The following EYS variants were observed in gnomAD, a reference collection of about 807,000 sequenced individuals.
EYS encodes EGF-like photoreceptor maintenance factor.
In EYS, 250 loss-of-function variants were observed where a neutral mutation model predicts 282.1. The observed-to-expected ratio is 0.89, with a 90% CI of 0.80 to 0.98. The LOEUF is 0.98. Ranked by LOEUF, EYS falls within the 50% of genes least tolerant of loss-of-function variation. The pLI is 0.00. For missense variants in EYS, 4,016 were observed against 3,709.0 expected (o/e 1.08, Z -2.15); for synonymous variants, 1,355 against 1,282.9 (o/e 1.06, Z -1.20).
chr6:65,015,336 T>A (rs1772007939), intron 13 of EYS, among the ~76,000 whole-genome samples: 1 of 152,192 alleles, frequency 6.6e-6, no homozygotes, highest in East Asian at 1.9e-4. Flanking sequence ...CGCTAATTTG[T>A]GATGAAAATT....
chr6:65,555,690 T>A (rs1768773294), intron 2 of EYS, among the ~76,000 whole-genome samples: 1 of 152,182 alleles, frequency 6.6e-6, no homozygotes, highest in Admixed American at 6.5e-5. Flanking sequence ...AATTAATAAC[T>A]GTTTCTTACT....
rs546429364 is a variant in EYS at position 63,935,940 on chromosome 6, G to C, written c.7055+48443C>G. ...CCAGGGTTTGGAATGTAGGCAACTT[G>C]ATTCACCCTGTTCCCTCTACCTGGT... On this transcript the variant is annotated intron_variant, in intron 35 of 42. Coordinates refer to ENST00000503581, the MANE Select transcript of EYS (RefSeq NM_001142800.2). Among the ~76,000 whole-genome samples, 4 of 152,274 alleles carry C rather than the reference G, an allele frequency of 2.6e-5. No individual in the cohort carries two copies. The East Asian group carries it at 5.8e-4, about 22-fold the overall frequency.
chr6:65,317,067 T>C (rs889670498), intron 11 of EYS, among the ~76,000 whole-genome samples: 2 of 152,200 alleles, frequency 1.3e-5, no homozygotes, highest in African/African-American at 4.8e-5. Context: ...TTTCTCTTTA[T>C]GTTTGTAAGG....
intron 30 of EYS, among the ~76,000 whole-genome samples, chr6:64,259,766 T>C (rs1414535710): frequency 6.7e-6 from 1 of 148,958 alleles, no homozygotes; most frequent in Non-Finnish European, 1.5e-5. Context: ...GGTTTTCTTG[T>C]ATATCTCTGG....
rs555353125 is a variant in EYS at position 64,912,455 on chromosome 6, A to C, written c.2641+29T>G. ...CACAAACTAATTAAGTAATTATTTA[A>C]AAACAATAAAATCCATATTAGCTCT... On this transcript the variant is annotated intron_variant, in intron 16 of 42. Coordinates refer to ENST00000503581, the MANE Select transcript of EYS (RefSeq NM_001142800.2). 50 of 1,540,952 alleles carry C rather than the reference A, an allele frequency of 3.2e-5. No homozygotes were observed. The African/African-American group carries it at 6.7e-4, about 21-fold the overall frequency.
At chr6:65,464,138 G>A (rs145163969) in intron 5 of EYS, among the ~76,000 whole-genome samples, 232 of 152,032 alleles carry the variant, frequency 1.5e-3, no homozygotes, top group Middle Eastern at 3.4e-3. Context: ...ATGCAATTAC[G>A]CGGTCCCCAG....
intron 28 of EYS, among the ~76,000 whole-genome samples, chr6:64,426,844 A>G (rs1281832560): frequency 6.6e-6 from 1 of 152,170 alleles, no homozygotes; most frequent in African/African-American, 2.4e-5. Flanking sequence ...GCTATGCTGA[A>G]CTCTGACTTT....
At chr6:64,393,328 A>T (rs1296165063) in intron 28 of EYS, among the ~76,000 whole-genome samples, 3 of 152,212 alleles carry the variant, frequency 2.0e-5, no homozygotes, top group Non-Finnish European at 4.4e-5. Context: ...GATACAACAA[A>T]AAAAGAGAAT....
chr6:64,267,733 A>G (rs1248657627), intron 30 of EYS, among the ~76,000 whole-genome samples: 2 of 152,140 alleles, frequency 1.3e-5, no homozygotes, highest in South Asian at 2.1e-4. Context: ...ATCAATATAA[A>G]TTAACCAAAA....
chr6:65,210,542 T>C (rs1193671878), intron 12 of EYS, among the ~76,000 whole-genome samples: 1 of 152,042 alleles, frequency 6.6e-6, no homozygotes, highest in East Asian at 1.9e-4. Flanking sequence ...CTATGCTCAC[T>C]GGAAAATAGC....
intron 12 of EYS, among the ~76,000 whole-genome samples, chr6:65,165,012 G>A (rs771695974): frequency 6.6e-6 from 1 of 151,212 alleles, no homozygotes; most frequent in Non-Finnish European, 1.5e-5. Context: ...CTTAGGCAAT[G>A]GGGTTTAGGA....
intron 33 of EYS, among the ~76,000 whole-genome samples, chr6:64,020,136 A>C (rs1769117698): frequency 6.6e-6 from 1 of 152,100 alleles, no homozygotes; most frequent in Non-Finnish European, 1.5e-5. Flanking sequence ...GAAGGAATGA[A>C]TTCTTGTTTG....
At chr6:63,846,817 C>A (rs56088368) in intron 36 of EYS, among the ~76,000 whole-genome samples, 18,398 of 152,104 alleles carry the variant, frequency 0.12, 1,337 homozygotes, top group African/African-American at 0.2. Context: ...TACAAATAGA[C>A]CTACATTTGT....
chr6:65,178,109 A>G (rs1765274302), intron 12 of EYS, among the ~76,000 whole-genome samples: 2 of 151,886 alleles, frequency 1.3e-5, no homozygotes, highest in Admixed American at 1.3e-4. Context: ...GCACCCCCCG[A>G]GTATCCTGCC....
chr6:65,516,074 A>C (rs546745219), intron 2 of EYS, among the ~76,000 whole-genome samples: 1 of 152,192 alleles, frequency 6.6e-6, no homozygotes, highest in Admixed American at 6.6e-5. Flanking sequence ...GAAGAAAATG[A>C]ATGAAAAAGA....
At chr6:64,030,213 AAG>A (rs1033363460) in intron 33 of EYS, among the ~76,000 whole-genome samples, 1 of 152,324 alleles carries the variant, frequency 6.6e-6, no homozygotes, top group East Asian at 1.9e-4. Context: ...GAAAGTCAAA[AAG>A]AGAGTTAAAA....
At chr6:63,816,092 G>GATTTATT (rs1771171141) in intron 36 of EYS, among the ~76,000 whole-genome samples, 1 of 152,088 alleles carries the variant, frequency 6.6e-6, no homozygotes, top group Non-Finnish European at 1.5e-5. Context: ...TGTTTCAAAA[G>GATTTATT]CATATAAAAA....
chr6:64,451,016 C>A (rs1031199830), intron 26 of EYS, among the ~76,000 whole-genome samples: 1 of 152,028 alleles, frequency 6.6e-6, no homozygotes, highest in African/African-American at 2.4e-5. Context: ...TCGAGCAGAA[C>A]TGAAGGAAAT....
At chr6:65,319,220 A>AAC (rs1769402534) in intron 11 of EYS, among the ~76,000 whole-genome samples, 2 of 147,522 alleles carry the variant, frequency 1.4e-5, no homozygotes, top group African/African-American at 2.5e-5. Context: ...AAAAAAAAAA[A>AAC]AAAAAAACAA....
Sources: gnomAD v4.1 joint callset for allele counts (sites outside exome capture counted in the v4.1 genomes callset) on GRCh38, gnomAD v4.1.1 for gene constraint, MANE v1.5 for transcripts, NCBI Gene and HGNC (gene_info 2026-07-23, HGNC 2026-07-21) for gene names.